GRIA4: variants seen among roughly 807,000 people sequenced by gnomAD.
GRIA4 encodes glutamate receptor 4.
A neutral mutation model predicts 104.0 loss-of-function variants in GRIA4; 34 were observed. The observed-to-expected ratio is 0.33, with a 90% CI of 0.25 to 0.44. The LOEUF (loss-of-function observed/expected upper bound fraction) is 0.44. Ranked by LOEUF, GRIA4 falls within the 20% of genes least tolerant of loss-of-function variation. GRIA4 has a pLI of 1.00. For synonymous variants in GRIA4, 386 were observed against 381.9 expected (o/e 1.01, Z -0.13); for missense variants, 750 against 1,096.5 (o/e 0.68, Z 4.46).
At chr11:105,873,148 C>A (rs559129094) in intron 5 of GRIA4, among the ~76,000 whole-genome samples, 1 of 152,124 alleles carries the variant, frequency 6.6e-6, no homozygotes, top group South Asian at 2.1e-4. Flanking sequence ...TTGTTCAACT[C>A]TCACTTATGA....
intron 3 of GRIA4, among the ~76,000 whole-genome samples, chr11:105,724,279 T>C (rs1938032718): frequency 6.6e-6 from 1 of 151,876 alleles, no homozygotes. Flanking sequence ...ACAGAATCAA[T>C]AACCTAAGTG....
At chr11:105,797,687 A>G in intron 4 of GRIA4, 1 of 349,096 alleles carries the variant, frequency 2.9e-6, no homozygotes, top group Non-Finnish European at 5.8e-6. Flanking sequence ...CTGAAACTAT[A>G]ATGAGTTTCT....
intron 4 of GRIA4, among the ~76,000 whole-genome samples, chr11:105,764,604 C>T (rs1269775609): frequency 6.6e-6 from 1 of 152,068 alleles, no homozygotes; most frequent in Non-Finnish European, 1.5e-5. Context: ...CCTACTCCCA[C>T]CCTGGAAATC....
chr11:105,966,022 C>T (rs771428091), intron 14 of GRIA4: 10 of 1,613,266 alleles, frequency 6.2e-6, no homozygotes, highest in Admixed American at 5.0e-5. Context: ...AATGGTGGTA[C>T]GACAAAGGAG....
intron 3 of GRIA4, among the ~76,000 whole-genome samples, chr11:105,668,714 G>GCTA (rs1410361651): frequency 1.7e-5 from 2 of 120,054 alleles, no homozygotes; most frequent in Non-Finnish European, 3.3e-5. Context: ...TCGCTCTGTT[G>GCTA]CCCAGGCTGG....
intron 13 of GRIA4, among the ~76,000 whole-genome samples, chr11:105,931,901 G>A (rs1434121578): frequency 6.6e-6 from 1 of 151,984 alleles, no homozygotes; most frequent in Non-Finnish European, 1.5e-5. Flanking sequence ...CTTTGCCCAG[G>A]TATTCAAGTT....
At chr11:105,955,190 C>T (rs1016513572) in intron 14 of GRIA4, among the ~76,000 whole-genome samples, 2 of 151,790 alleles carry the variant, frequency 1.3e-5, no homozygotes, top group Non-Finnish European at 2.9e-5. Flanking sequence ...ATGTGCAGAA[C>T]GTGCAGATTT....
intron 10 of GRIA4, among the ~76,000 whole-genome samples, chr11:105,918,005 A>T (rs1244255494): frequency 6.6e-6 from 1 of 152,114 alleles, no homozygotes; most frequent in Non-Finnish European, 1.5e-5. Context: ...TTACAACTGG[A>T]GGAAAATTAT....
At chr11:105,698,836 C>A (rs1304025511) in intron 3 of GRIA4, among the ~76,000 whole-genome samples, 1 of 152,204 alleles carries the variant, frequency 6.6e-6, no homozygotes, top group East Asian at 1.9e-4. Flanking sequence ...ACTTTTCACT[C>A]TGCACATGTC....
rs576661433 is a variant in GRIA4 at position 105,763,132 on chromosome 11, G to A, written c.487+9912G>A. On this transcript the variant is annotated intron_variant, in intron 4 of 16. Coordinates refer to ENST00000282499, the MANE Select transcript of GRIA4 (RefSeq NM_000829.4). ...GGAGTAAGAGAGTTTAATACTGTTT[G>A]AGGAAGGAAAAGAAGGGTCTCAAGA... 2.0e-5 allele frequency among the ~76,000 whole-genome samples: 3 copies of A among 152,276 alleles called. No individual in the cohort carries two copies. In the South Asian group the frequency reaches 6.2e-4, roughly 32 times the overall value.
chr11:105,670,183 T>G (rs1952314742), intron 3 of GRIA4, among the ~76,000 whole-genome samples: 1 of 152,154 alleles, frequency 6.6e-6, no homozygotes, highest in African/African-American at 2.4e-5. Flanking sequence ...ATCAAAAATC[T>G]TAAGATGTAT....
At chr11:105,937,167 T>G (rs1399499166) in intron 14 of GRIA4, among the ~76,000 whole-genome samples, 1 of 152,154 alleles carries the variant, frequency 6.6e-6, no homozygotes, top group Admixed American at 6.6e-5. Flanking sequence ...GTCCAAAGAT[T>G]GTTTTAAAAT....
intron 3 of GRIA4, among the ~76,000 whole-genome samples, chr11:105,688,146 A>ATC (rs1431271015): frequency 2.5e-4 from 8 of 32,604 alleles, no homozygotes; most frequent in East Asian, 1.8e-3. Context: ...ATCTATATCT[A>ATC]TATCTATATC....
intron 4 of GRIA4, among the ~76,000 whole-genome samples, chr11:105,825,662 G>A (rs769865236): frequency 4.9e-4 from 74 of 152,006 alleles, no homozygotes; most frequent in Admixed American, 5.3e-4. Context: ...CCCCTTAGGG[G>A]TGCCTCTGGG....
chr11:105,934,006 T>C, intron 14 of GRIA4, 37 bp downstream of exon 14: 1 of 1,550,232 alleles, frequency 6.5e-7, no homozygotes, highest in Non-Finnish European at 8.8e-7. Context: ...CATGTGTTGT[T>C]ATAGTATTCC....
At chr11:105,620,909 G>T (rs527410585) in intron 3 of GRIA4, among the ~76,000 whole-genome samples, 434 of 150,498 alleles carry the variant, frequency 2.9e-3, no homozygotes, top group South Asian at 7.0e-3. Context: ...TCCATTTTTT[G>T]GGGGGGGTCA....
At chr11:105,889,389 A>C (rs1186372433) in intron 6 of GRIA4, among the ~76,000 whole-genome samples, 1 of 152,200 alleles carries the variant, frequency 6.6e-6, no homozygotes, top group African/African-American at 2.4e-5. Flanking sequence ...ACATGATTAG[A>C]TCAGTGGCTG....
At chr11:105,739,495 A>G (rs1188102530) in intron 3 of GRIA4, among the ~76,000 whole-genome samples, 1 of 152,172 alleles carries the variant, frequency 6.6e-6, no homozygotes, top group African/African-American at 2.4e-5. Context: ...AATTAAAGTG[A>G]AATATTTTTG....
At chr11:105,818,232 T>A (rs1359631144) in intron 4 of GRIA4, among the ~76,000 whole-genome samples, 1 of 152,090 alleles carries the variant, frequency 6.6e-6, no homozygotes, top group African/African-American at 2.4e-5. Flanking sequence ...GATGTTTGGT[T>A]TGAAGACTAA....
Sources: allele counts gnomAD v4.1 joint callset (sites outside exome capture counted in the v4.1 genomes callset), GRCh38; gene constraint gnomAD v4.1.1; transcripts MANE v1.5; gene names NCBI Gene and HGNC (gene_info 2026-07-23, HGNC 2026-07-21).